ZNF91: variants seen among roughly 807,000 people sequenced by gnomAD.
The protein encoded by ZNF91 is zinc finger protein 91.
ZNF91 carries 7 observed loss-of-function variants against 12.6 expected under a neutral mutation model. The ratio of observed to expected loss-of-function variants is 0.55; its 90% CI spans 0.31 to 1.04. The LOEUF (loss-of-function observed/expected upper bound fraction) is 1.04. Among genes scored for constraint, ZNF91 ranks in the 50% least tolerant of loss-of-function variants. ZNF91 has a pLI of 0.05. For missense variants in ZNF91, 1,217 were observed against 1,385.4 expected (o/e 0.88, Z 1.93); for synonymous variants, 453 against 462.6 (o/e 0.98, Z 0.27).
downstream of ZNF91, among the ~76,000 whole-genome samples, chr19:23,355,658 A>AAAAGG (rs1348601918): frequency 1.3e-5 from 2 of 152,228 alleles, no homozygotes; most frequent in African/African-American, 2.4e-5. Context: ...TCAGCAGAGT[A>AAAAGG]AACAGACAAC....
At chr19:23,321,665 C>G (rs1186883591) in intron 1 of ZNF91, among the ~76,000 whole-genome samples, 1 of 152,118 alleles carries the variant, frequency 6.6e-6, no homozygotes, top group East Asian at 1.9e-4. Context: ...ATTGCTGGGC[C>G]CAGGACCAAG....
intron 3 of ZNF91, among the ~76,000 whole-genome samples, chr19:23,342,651 T>G (rs1968148624): frequency 1.3e-5 from 2 of 152,190 alleles, no homozygotes; most frequent in South Asian, 4.1e-4. Flanking sequence ...AAGTTTTTCT[T>G]AAAAGTACTG....
At chr19:23,390,265 G>A (rs1187238678) in intron 1 of ZNF91, among the ~76,000 whole-genome samples, 2 of 152,038 alleles carry the variant, frequency 1.3e-5, no homozygotes, top group South Asian at 2.1e-4. Flanking sequence ...GTGGTGAGCC[G>A]AGATTGTGCC....
At chr19:23,378,619 A>C (rs1969588439) in intron 1 of ZNF91, among the ~76,000 whole-genome samples, 1 of 152,230 alleles carries the variant, frequency 6.6e-6, no homozygotes, top group Non-Finnish European at 1.5e-5. Flanking sequence ...AAGTATTCTT[A>C]GCAGGGCATA....
At chr19:23,332,034 A>G (rs892678408) in intron 1 of ZNF91, among the ~76,000 whole-genome samples, 2 of 152,224 alleles carry the variant, frequency 1.3e-5, no homozygotes, top group Admixed American at 6.5e-5. Flanking sequence ...GTACTTTTAA[A>G]TAAGTTTAAC....
chr19:23,359,969 T>C lies in ZNF91; in HGVS notation c.3010A>G (p.Ser1004Gly), dbSNP rs1968655393. 3.7e-6 allele frequency: 6 copies of C among 1,613,106 alleles called. No individual in the cohort carries two copies. Among genetic ancestry groups the C allele is most frequent in the African/African-American group, 1.3e-5 (1 of 74,924 alleles). ...YKCEECGKAF[S>G]QSSTLTRHTR... ...TGTCTAGTTAGGGTTGAGGATTGGC[T>C]AAATGCTTTGCCACATTCTTCACAT... Residue 1004 changes from serine to glycine, a missense_variant, in exon 4 of 4, where the codon AGC (serine) becomes GGC (glycine). This residue lies in a region of ZNF91 where 491 missense variants were observed against 489.8 expected (regional missense o/e 1.00). Transcript: ENST00000300619.
intron 1 of ZNF91, among the ~76,000 whole-genome samples, chr19:23,330,465 T>G (rs11667562): frequency 0.19 from 28,678 of 152,240 alleles, 2,925 homozygotes; most frequent in Non-Finnish European, 0.21. Flanking sequence ...TGAGCCCCAC[T>G]GTGCTCCAAA....
intron 3 of ZNF91, among the ~76,000 whole-genome samples, chr19:23,350,068 G>A (rs529420907): frequency 3.3e-5 from 5 of 152,302 alleles, no homozygotes; most frequent in South Asian, 2.1e-4. Flanking sequence ...AAATGCTCAC[G>A]CAACAAGAAA....
upstream of ZNF91, among the ~76,000 whole-genome samples, chr19:23,312,098 T>TGACTCTCTTGCTGGTCCC (rs1435024069): frequency 5.9e-5 from 9 of 152,046 alleles, no homozygotes; most frequent in African/African-American, 2.2e-4. Flanking sequence ...ACAGGTACTG[T>TGACTCTCTTGCTGGTCCC]GACTCTCTTG....
chr19:23,342,202 A>C, intron 3 of ZNF91: 2 of 563,918 alleles, frequency 3.5e-6, no homozygotes, highest in Non-Finnish European at 6.6e-6. Context: ...ATGTCTCTTC[A>C]CATTCCAGGG....
chr19:23,320,434 T>C (rs1967663914), intron 1 of ZNF91, among the ~76,000 whole-genome samples: 1 of 152,202 alleles, frequency 6.6e-6, no homozygotes, highest in African/African-American at 2.4e-5. Flanking sequence ...AGGGATTTAA[T>C]TGACTCACAG....
intron 1 of ZNF91, chr19:23,326,856 G>C (rs1967846832): frequency 6.6e-6 from 1 of 152,166 alleles, no homozygotes; most frequent in Non-Finnish European, 1.5e-5. Context: ...AACAAAAGCT[G>C]GCTCAGCTTA....
chr19:23,368,562 CTATA>C (rs71163494), intron 3 of ZNF91, among the ~76,000 whole-genome samples: 1 of 118,632 alleles, frequency 8.4e-6, no homozygotes, highest in South Asian at 3.2e-4. Context: ...CTCTCTCTCT[CTATA>C]TATATATGAA....
chr19:23,347,964 C>G (rs1968271397), intron 3 of ZNF91, among the ~76,000 whole-genome samples: 1 of 152,208 alleles, frequency 6.6e-6, no homozygotes, highest in Non-Finnish European at 1.5e-5. Context: ...ATCACACAAA[C>G]TCTCAACATG....
At chr19:23,333,848 T>A (rs1326968495), downstream of ZNF91, among the ~76,000 whole-genome samples, 1 of 152,232 alleles carries the variant, frequency 6.6e-6, no homozygotes, top group African/African-American at 2.4e-5. Context: ...CAATGTGGAT[T>A]AGCAGACCAG....
chr19:23,346,566 C>T (rs295387), intron 3 of ZNF91, among the ~76,000 whole-genome samples: 15,740 of 152,076 alleles, frequency 0.1, 1,239 homozygotes, highest in East Asian at 0.37. Context: ...AGTATACCAA[C>T]GTAGACCCAG....
chr19:23,377,469 G>A (rs1245523185), intron 1 of ZNF91, among the ~76,000 whole-genome samples: 1 of 152,098 alleles, frequency 6.6e-6, no homozygotes, highest in Non-Finnish European at 1.5e-5. Context: ...GGTAAACTTG[G>A]CCCCACTCTA....
At chr19:23,381,374 T>C (rs1257056442) in intron 1 of ZNF91, among the ~76,000 whole-genome samples, 1 of 152,128 alleles carries the variant, frequency 6.6e-6, no homozygotes, top group Non-Finnish European at 1.5e-5. Flanking sequence ...TATACATTAC[T>C]ATGCTAATTG....
At chr19:23,324,245 TCTC>T (rs1379251534) in intron 1 of ZNF91, 1 of 151,854 alleles carries the variant, frequency 6.6e-6, no homozygotes, top group Non-Finnish European at 1.5e-5. Context: ...GTTGTCCCCC[TCTC>T]CTTTTTTTCT....
Sources: allele counts gnomAD v4.1 joint callset (sites outside exome capture counted in the v4.1 genomes callset), GRCh38; gene constraint gnomAD v4.1.1; regional missense constraint gnomAD v4.1.1; transcripts MANE v1.5; gene names NCBI Gene and HGNC (gene_info 2026-07-23, HGNC 2026-07-21).